The following NAV3 variants were observed in gnomAD, a reference collection of about 807,000 sequenced individuals.
The protein encoded by NAV3 is neuron navigator 3.
Under a neutral mutation model 244.7 loss-of-function variants are expected in NAV3, and 87 were observed. That is an observed-to-expected ratio of 0.36 (90% confidence interval 0.30 to 0.42). The LOEUF is 0.42. Among genes scored for constraint, NAV3 ranks in the 20% least tolerant of loss-of-function variants. The pLI, the probability that NAV3 is intolerant of heterozygous loss-of-function variation, is 1.00. For synonymous variants in NAV3, 1,126 were observed against 1,042.2 expected (o/e 1.08, Z -1.55); for missense variants, 2,663 against 2,893.3 (o/e 0.92, Z 1.83).
intron 12 of NAV3, among the ~76,000 whole-genome samples, chr12:78,091,149 C>G (rs929568018): frequency 1.3e-5 from 2 of 152,066 alleles, no homozygotes; most frequent in Non-Finnish European, 2.9e-5. Context: ...AATGCAGACT[C>G]TACTTATAAT....
chr12:77,711,850 A>G (rs1876130330), intron 2 of NAV3, among the ~76,000 whole-genome samples: 1 of 151,950 alleles, frequency 6.6e-6, no homozygotes, highest in Non-Finnish European at 1.5e-5. Context: ...GTTGTTTCCC[A>G]TTTGTCTTGA....
rs142456425 is a variant in NAV3, at chr12:77,877,437, C to A, written c.243+45733C>A. On this transcript the variant is annotated intron_variant, in intron 1 of 39. Coordinates refer to ENST00000397909, the MANE Select transcript of NAV3 (RefSeq NM_001024383.2). ...GCTTTTCTGTCAGTATATTTTGAGA[C>A]CTTTCATGTCAAAAATTCATTTTAT... Among the ~76,000 whole-genome samples, 892 of 152,048 alleles carry A rather than the reference C, an allele frequency of 5.9e-3. 7 individuals are homozygous for A. The highest frequency in any genetic ancestry group is 0.021 in the Middle Eastern group (6 of 292).
At chr12:77,783,388 T>C (rs908118466) in intron 2 of NAV3, 1 of 151,938 alleles carries the variant, frequency 6.6e-6, no homozygotes, top group African/African-American at 2.4e-5. Flanking sequence ...CCACAAGATG[T>C]GCTGGAAATA....
chr12:77,582,928 A>G (rs1300488489), intron 2 of NAV3, among the ~76,000 whole-genome samples: 1 of 152,228 alleles, frequency 6.6e-6, no homozygotes, highest in Non-Finnish European at 1.5e-5. Flanking sequence ...TTAAGTGCCT[A>G]ATTTACAGCA....
At chr12:78,065,768 A>G (rs1210114457) in intron 12 of NAV3, among the ~76,000 whole-genome samples, 1 of 152,102 alleles carries the variant, frequency 6.6e-6, no homozygotes, top group Admixed American at 6.6e-5. Context: ...AGGGAAGGTA[A>G]GGAGAAAGAT....
At chr12:77,898,514 G>A (rs1731746) in intron 1 of NAV3, among the ~76,000 whole-genome samples, 29 of 152,180 alleles carry the variant, frequency 1.9e-4, no homozygotes, top group Middle Eastern at 3.4e-3. Context: ...AAAAGTGTTC[G>A]TATTCATTCA....
intron 1 of NAV3, among the ~76,000 whole-genome samples, chr12:77,887,630 G>C (rs948706562): frequency 6.6e-6 from 1 of 152,072 alleles, no homozygotes; most frequent in African/African-American, 2.4e-5. Context: ...ATATTTGTTG[G>C]ATGAGTGGAG....
intron 12 of NAV3, among the ~76,000 whole-genome samples, chr12:78,089,298 G>A (rs1326832535): frequency 6.6e-6 from 1 of 152,040 alleles, no homozygotes; most frequent in Non-Finnish European, 1.5e-5. Flanking sequence ...AAAAATACAT[G>A]ATAAACCATA....
At chr12:78,090,954 C>CTGTG (rs10581059) in intron 12 of NAV3, among the ~76,000 whole-genome samples, 2,667 of 142,626 alleles carry the variant, frequency 0.019, 33 homozygotes, top group African/African-American at 0.031. Flanking sequence ...GTGCTGTATT[C>CTGTG]TGTGTGTGTG....
upstream of NAV3, among the ~76,000 whole-genome samples, chr12:77,830,061 A>G (rs748854255): frequency 6.6e-6 from 1 of 152,212 alleles, no homozygotes; most frequent in Admixed American, 6.5e-5. Flanking sequence ...ACAATAATGC[A>G]TGGTACATTA....
chr12:77,853,950 G>C (rs1877951737), intron 1 of NAV3, among the ~76,000 whole-genome samples: 1 of 152,106 alleles, frequency 6.6e-6, no homozygotes, highest in Non-Finnish European at 1.5e-5. Context: ...AGGTTTCAGG[G>C]ATAATTGAGG....
intron 39 of NAV3, among the ~76,000 whole-genome samples, chr12:78,206,077 T>C (rs974710090): frequency 2.0e-5 from 3 of 152,094 alleles, no homozygotes; most frequent in African/African-American, 7.2e-5. Flanking sequence ...GTGGAAAACC[T>C]GATAAACTTT....
intron 38 of NAV3, among the ~76,000 whole-genome samples, chr12:78,204,146 T>C (rs963389488): frequency 6.6e-6 from 1 of 151,810 alleles, no homozygotes. Context: ...TAGGTGGGAA[T>C]TGAACAATGA....
chr12:77,875,268 A>G (rs938594891), intron 1 of NAV3, among the ~76,000 whole-genome samples: 3 of 152,014 alleles, frequency 2.0e-5, no homozygotes, highest in Admixed American at 2.0e-4. Context: ...TTTTCTACCT[A>G]ACATTCCTTA....
chr12:77,879,824 T>G (rs1882398201), intron 1 of NAV3, among the ~76,000 whole-genome samples: 1 of 152,118 alleles, frequency 6.6e-6, no homozygotes, highest in African/African-American at 2.4e-5. Flanking sequence ...TCAAAAAGTG[T>G]TATCTCATGT....
chr12:78,075,879 ATTCAGGG>A (rs1335150451), intron 12 of NAV3, among the ~76,000 whole-genome samples: 7 of 152,194 alleles, frequency 4.6e-5, no homozygotes, highest in African/African-American at 1.7e-4. Context: ...GTCCTATATA[ATTCAGGG>A]TTCAAATCCA....
intron 3 of NAV3, chr12:77,951,041 T>C (rs1890822182): frequency 6.6e-6 from 1 of 152,150 alleles, no homozygotes; most frequent in Admixed American, 6.6e-5. Context: ...CCAAAAGCAA[T>C]GGCAACAAAA....
At chr12:77,875,343 C>G (rs1251050386) in intron 1 of NAV3, among the ~76,000 whole-genome samples, 1 of 151,994 alleles carries the variant, frequency 6.6e-6, no homozygotes, top group East Asian at 1.9e-4. Context: ...GACAACTCTT[C>G]AAAAAGGTCT....
intron 2 of NAV3, among the ~76,000 whole-genome samples, chr12:77,672,641 C>CAAGCAT (rs1165060315): frequency 1.3e-5 from 2 of 151,716 alleles, no homozygotes; most frequent in African/African-American, 2.4e-5. Flanking sequence ...TGAGGACACA[C>CAAGCAT]AAGCATAAGA....
Sources: allele counts gnomAD v4.1 joint callset (sites outside exome capture counted in the v4.1 genomes callset), GRCh38; gene constraint gnomAD v4.1.1; transcripts MANE v1.5; gene names NCBI Gene and HGNC (gene_info 2026-07-23, HGNC 2026-07-21).